Variants in FUT8 observed in about 807,000 individuals in gnomAD.
The protein encoded by FUT8 is alpha-(1,6)-fucosyltransferase.
Under a neutral mutation model 71.3 loss-of-function variants are expected in FUT8, and 29 were observed. That is an observed-to-expected ratio of 0.41 (90% CI 0.30 to 0.55). The LOEUF (loss-of-function observed/expected upper bound fraction) is 0.55, where lower values mean the gene tolerates loss of function less well. FUT8 is among the 20% of genes least tolerant of loss of function. The pLI is 0.34. For missense variants in FUT8, 544 were observed against 702.1 expected (o/e 0.77, Z 2.55); for synonymous variants, 254 against 239.3 (o/e 1.06, Z -0.57).
At chr14:65,411,339 TC>T (rs2065121310), upstream of FUT8, 2 of 152,338 alleles carry the variant, frequency 1.3e-5, no homozygotes, top group Admixed American at 6.5e-5. Context: ...GTACAGCACT[TC>T]ATAGAGTGCT....
chr14:65,724,104 C>T, intron 8 of FUT8, 43 bp from the exon 9 acceptor site: 1 of 1,416,876 alleles, frequency 7.1e-7, no homozygotes, highest in Non-Finnish European at 9.3e-7. Flanking sequence ...TCAAAGCACC[C>T]AGTGTCAGTA....
chr14:65,600,421 A>T (rs1888231970), intron 3 of FUT8, among the ~76,000 whole-genome samples: 1 of 152,192 alleles, frequency 6.6e-6, no homozygotes, highest in African/African-American at 2.4e-5. Context: ...AGAATGTGTC[A>T]TGTGCTAGGT....
intron 2 of FUT8, among the ~76,000 whole-genome samples, chr14:65,526,272 A>G (rs1018669998): frequency 6.6e-6 from 1 of 152,188 alleles, no homozygotes; most frequent in Non-Finnish European, 1.5e-5. Context: ...TATATTTAGT[A>G]TAGTTAGCTC....
At chr14:65,583,653 A>G (rs1887209176) in intron 3 of FUT8, among the ~76,000 whole-genome samples, 1 of 152,008 alleles carries the variant, frequency 6.6e-6, no homozygotes, top group African/African-American at 2.4e-5. Context: ...AAGCAAAAAA[A>G]AAAAAGAATG....
At chr14:65,531,377 G>C (rs1466816926) in intron 2 of FUT8, among the ~76,000 whole-genome samples, 1 of 152,020 alleles carries the variant, frequency 6.6e-6, no homozygotes, top group African/African-American at 2.4e-5. Flanking sequence ...AGAGGAACTT[G>C]AAAATCTTAG....
intron 1 of FUT8, among the ~76,000 whole-genome samples, chr14:65,439,191 T>A (rs2065605024): frequency 6.6e-6 from 1 of 152,182 alleles, no homozygotes; most frequent in Non-Finnish European, 1.5e-5. Context: ...TCACAGTTAT[T>A]GGTTCAAGGA....
the FUT8 span, among the ~76,000 whole-genome samples, chr14:65,378,221 C>T: frequency 6.6e-6 from 1 of 152,036 alleles, no homozygotes; most frequent in East Asian, 2.0e-4. Context: ...AGTCACCCTA[C>T]CAAGTGGGTA....
intron 3 of FUT8, among the ~76,000 whole-genome samples, chr14:65,606,299 G>A (rs968758615): frequency 6.0e-5 from 9 of 150,568 alleles, no homozygotes; most frequent in Admixed American, 2.7e-4. Flanking sequence ...AGATGGTCTC[G>A]ATCTCTTGAC....
chr14:65,718,985 C>G (rs1566914439), intron 7 of FUT8, among the ~76,000 whole-genome samples: 1 of 152,164 alleles, frequency 6.6e-6, no homozygotes, highest in African/African-American at 2.4e-5. Flanking sequence ...CTTTCTTGTA[C>G]TTGAATATTG....
At chr14:65,618,487 A>G (rs904068755) in intron 5 of FUT8, among the ~76,000 whole-genome samples, 1 of 152,190 alleles carries the variant, frequency 6.6e-6, no homozygotes, top group Non-Finnish European at 1.5e-5. Context: ...AGAAATGACA[A>G]TGAATCTGGG....
chr14:65,629,827 C>T (rs539217818), intron 6 of FUT8, among the ~76,000 whole-genome samples: 9 of 81,106 alleles, frequency 1.1e-4, no homozygotes, highest in Admixed American at 4.6e-4. Context: ...TTCTTACACA[C>T]GTACACACAC....
At chr14:65,722,142 A>G in intron 8 of FUT8, 121 bp downstream of exon 8, 1 of 1,256,040 alleles carries the variant, frequency 8.0e-7, no homozygotes, top group Non-Finnish European at 1.1e-6. Flanking sequence ...CAAAGGACAG[A>G]GGTTCTAGAG....
At chr14:65,711,495 T>A (rs1028010833) in intron 7 of FUT8, among the ~76,000 whole-genome samples, 2 of 152,196 alleles carry the variant, frequency 1.3e-5, no homozygotes, top group African/African-American at 4.8e-5. Flanking sequence ...CTCTCTTTTT[T>A]ATAACAAAAA....
chr14:65,567,936 G>C (rs1193950949), intron 3 of FUT8, among the ~76,000 whole-genome samples: 1 of 151,798 alleles, frequency 6.6e-6, no homozygotes, highest in Admixed American at 6.6e-5. Context: ...GGCCAATTCT[G>C]TTCTCTGGAA....
chr14:65,525,802 C>T (rs1261030879), intron 2 of FUT8, among the ~76,000 whole-genome samples: 1 of 152,166 alleles, frequency 6.6e-6, no homozygotes, highest in African/African-American at 2.4e-5. Flanking sequence ...TTTATTTCTG[C>T]CTTCATTTCG....
intron 2 of FUT8, among the ~76,000 whole-genome samples, chr14:65,520,241 CAA>C (rs1882987983): frequency 6.6e-6 from 1 of 151,428 alleles, no homozygotes; most frequent in Non-Finnish European, 1.5e-5. Flanking sequence ...AATTAAATGG[CAA>C]AGAACGGAAG....
At chr14:65,407,936 C>CT (rs2065093874), upstream of FUT8, among the ~76,000 whole-genome samples, 1 of 152,220 alleles carries the variant, frequency 6.6e-6, no homozygotes, top group African/African-American at 2.4e-5. Flanking sequence ...GAACTCCTTC[C>CT]CCCAGATATG....
At chr14:65,700,358 A>G (rs1594913424) in intron 7 of FUT8, among the ~76,000 whole-genome samples, 1 of 145,632 alleles carries the variant, frequency 6.9e-6, no homozygotes, top group South Asian at 2.2e-4. Flanking sequence ...ATGCTCTTAA[A>G]CTACTTTCTT....
At chr14:65,529,624 G>A (rs1355796511) in intron 2 of FUT8, 1 of 152,820 alleles carries the variant, frequency 6.5e-6, no homozygotes, top group Non-Finnish European at 1.5e-5. Context: ...TGGTGGTTGT[G>A]TTGGCTGTGG....
Sources: allele counts gnomAD v4.1 joint callset (sites outside exome capture counted in the v4.1 genomes callset), GRCh38; gene constraint gnomAD v4.1.1; transcripts MANE v1.5; gene names NCBI Gene and HGNC (gene_info 2026-07-23, HGNC 2026-07-21).